The following NBAS variants were observed in gnomAD, a reference collection of about 807,000 sequenced individuals.
The protein encoded by NBAS is NBAS subunit of NRZ tethering complex, also known as NAG/BC035112 fusion.
In NBAS, 219 loss-of-function variants were observed where a neutral mutation model predicts 302.5. The observed-to-expected ratio is 0.72, with a 90% CI of 0.65 to 0.81. The LOEUF (loss-of-function observed/expected upper bound fraction) is 0.81. Ranked by LOEUF, NBAS falls within the 30% of genes least tolerant of loss-of-function variation. NBAS has a pLI of 0.00. For synonymous variants in NBAS, 1,118 were observed against 1,021.6 expected (o/e 1.09, Z -1.80); for missense variants, 2,932 against 2,841.6 (o/e 1.03, Z -0.72).
At chr2:15,315,793 G>A (rs1671481138) in intron 38 of NBAS, among the ~76,000 whole-genome samples, 1 of 152,048 alleles carries the variant, frequency 6.6e-6, no homozygotes, top group South Asian at 2.1e-4. Flanking sequence ...TCTCTATAAT[G>A]TGCCTAGCCC....
At chr2:15,480,020 C>T (rs140847602) in intron 12 of NBAS, among the ~76,000 whole-genome samples, 39 of 152,242 alleles carry the variant, frequency 2.6e-4, no homozygotes, top group Middle Eastern at 3.4e-3. Context: ...TACACACTCC[C>T]AAAAGTGTGA....
At chr2:15,189,956 G>A (rs933176851) in intron 49 of NBAS, among the ~76,000 whole-genome samples, 2 of 152,116 alleles carry the variant, frequency 1.3e-5, no homozygotes, top group Non-Finnish European at 2.9e-5. Context: ...ACTGTAAGCC[G>A]TGTCAAGACA....
intron 21 of NBAS, among the ~76,000 whole-genome samples, chr2:15,434,687 A>T (rs1049457759): frequency 3.3e-5 from 5 of 152,328 alleles, no homozygotes; most frequent in African/African-American, 1.2e-4. Flanking sequence ...CTTAAAATTG[A>T]TTAACTACAA....
the NBAS span, among the ~76,000 whole-genome samples, chr2:14,974,290 T>C: frequency 6.6e-6 from 1 of 152,116 alleles, no homozygotes; most frequent in Non-Finnish European, 1.5e-5. Flanking sequence ...CCAACCCCAA[T>C]GAATAAATGA....
chr2:15,062,631 G>T, the NBAS span, among the ~76,000 whole-genome samples: 1 of 152,160 alleles, frequency 6.6e-6, no homozygotes, highest in African/African-American at 2.4e-5. Flanking sequence ...GAGGACAATG[G>T]TTTTGCATTC....
At chr2:15,557,251 C>T (rs6723642) in intron 2 of NBAS, among the ~76,000 whole-genome samples, 2,246 of 152,176 alleles carry the variant, frequency 0.015, 53 homozygotes, top group African/African-American at 0.044. Flanking sequence ...GGAAAGCCCA[C>T]GGAAAACAAA....
the NBAS span, among the ~76,000 whole-genome samples, chr2:14,901,138 G>A: frequency 6.6e-6 from 1 of 152,166 alleles, no homozygotes; most frequent in East Asian, 1.9e-4. Context: ...ACAGCATGGT[G>A]CCTGGAAATA....
At chr2:14,892,016 A>G in the NBAS span, among the ~76,000 whole-genome samples, 2 of 152,222 alleles carry the variant, frequency 1.3e-5, no homozygotes, top group Non-Finnish European at 2.9e-5. Context: ...CTCTTTTATA[A>G]CATGCGACTG....
intron 32 of NBAS, among the ~76,000 whole-genome samples, chr2:15,360,678 A>G (rs1673870201): frequency 8.0e-6 from 1 of 125,154 alleles, no homozygotes; most frequent in Admixed American, 8.9e-5. Context: ...TTAACTTTCT[A>G]AAACTTTTCT....
intron 21 of NBAS, among the ~76,000 whole-genome samples, chr2:15,455,366 G>A (rs544890390): frequency 1.3e-5 from 2 of 152,028 alleles, no homozygotes; most frequent in East Asian, 3.9e-4. Flanking sequence ...ATAGCAGAAC[G>A]GACTATTCCA....
chr2:15,172,459 T>C (rs1221044712), intron 51 of NBAS, among the ~76,000 whole-genome samples: 1 of 152,224 alleles, frequency 6.6e-6, no homozygotes, highest in African/African-American at 2.4e-5. Context: ...TTTTTTGTTG[T>C]ATAGAAGTTT....
the NBAS span, among the ~76,000 whole-genome samples, chr2:14,880,408 C>T: frequency 6.6e-6 from 1 of 151,820 alleles, no homozygotes; most frequent in South Asian, 2.1e-4. Flanking sequence ...ACACAACATA[C>T]CAGCATGAAG....
chr2:15,351,723 T>C (rs1011306880), intron 35 of NBAS, among the ~76,000 whole-genome samples: 2 of 151,890 alleles, frequency 1.3e-5, no homozygotes, highest in African/African-American at 4.8e-5. Flanking sequence ...ATTTGGAAGG[T>C]GGTTAGGTAC....
the NBAS span, among the ~76,000 whole-genome samples, chr2:14,875,350 T>C: frequency 6.6e-6 from 1 of 152,274 alleles, no homozygotes; most frequent in East Asian, 1.9e-4. Context: ...CTGGGCATGG[T>C]GGCTCAAGCC....
intron 38 of NBAS, among the ~76,000 whole-genome samples, chr2:15,324,849 C>T (rs1384932259): frequency 1.3e-5 from 2 of 152,318 alleles, no homozygotes; most frequent in South Asian, 4.1e-4. Context: ...TCACTATTTG[C>T]TTTACTTCTC....
the NBAS span, among the ~76,000 whole-genome samples, chr2:14,815,506 T>G: frequency 6.6e-6 from 1 of 152,210 alleles, no homozygotes; most frequent in Non-Finnish European, 1.5e-5. Context: ...GAATAAGATC[T>G]GAAGCTTTTG....
intron 48 of NBAS, among the ~76,000 whole-genome samples, chr2:15,199,126 CAAAAA>C (rs71400641): frequency 9.3e-5 from 7 of 75,282 alleles, no homozygotes; most frequent in Admixed American, 7.7e-4. Flanking sequence ...GACTCCATCT[CAAAAA>C]AAAAAAAAAA....
chr2:15,303,742 T>A (rs930199622), intron 40 of NBAS, among the ~76,000 whole-genome samples: 1 of 152,202 alleles, frequency 6.6e-6, no homozygotes, highest in Non-Finnish European at 1.5e-5. Context: ...AAGAAAGATA[T>A]AAGTTGTACT....
the NBAS span, among the ~76,000 whole-genome samples, chr2:14,990,423 C>CAA: frequency 1.4e-4 from 21 of 145,734 alleles, 1 homozygote; most frequent in African/African-American, 5.0e-4. Flanking sequence ...GACTCCATCT[C>CAA]AAAAAAAAAA....
Sources: gnomAD v4.1 joint callset for allele counts (sites outside exome capture counted in the v4.1 genomes callset) on GRCh38, gnomAD v4.1.1 for gene constraint, MANE v1.5 for transcripts, NCBI Gene and HGNC (gene_info 2026-07-23, HGNC 2026-07-21) for gene names.